Variants in TMEM132D observed in about 807,000 individuals in gnomAD.
TMEM132D encodes the protein mature OL transmembrane protein.
A neutral mutation model predicts 62.3 loss-of-function variants in TMEM132D; 21 were observed. That is an observed-to-expected ratio of 0.34 (90% CI 0.24 to 0.49). TMEM132D has a LOEUF of 0.49. TMEM132D is among the 20% of genes least tolerant of loss of function. The pLI, the probability that TMEM132D is intolerant of heterozygous loss-of-function variation, is 0.99. For synonymous variants in TMEM132D, 621 were observed against 575.6 expected (o/e 1.08, Z -1.13); for missense variants, 1,346 against 1,402.8 (o/e 0.96, Z 0.65).
At chr12:129,137,262 A>C (rs959024745) in intron 5 of TMEM132D, among the ~76,000 whole-genome samples, 1 of 150,960 alleles carries the variant, frequency 6.6e-6, no homozygotes, top group Non-Finnish European at 1.5e-5. Context: ...ACCACCATCA[A>C]CATCACTATC....
intron 3 of TMEM132D, among the ~76,000 whole-genome samples, chr12:129,390,514 C>T (rs1871262256): frequency 1.3e-5 from 2 of 152,148 alleles, no homozygotes; most frequent in Non-Finnish European, 2.9e-5. Context: ...GGATAAAAGG[C>T]CCATCAACTC....
intron 3 of TMEM132D, among the ~76,000 whole-genome samples, chr12:129,428,314 G>GA (rs1872555685): frequency 6.6e-6 from 1 of 152,146 alleles, no homozygotes; most frequent in South Asian, 2.1e-4. Flanking sequence ...TGAATATTCA[G>GA]AAAAATCTGT....
At chr12:129,208,547 T>A (rs1878923850) in intron 5 of TMEM132D, 1 of 152,242 alleles carries the variant, frequency 6.6e-6, no homozygotes, top group African/African-American at 2.4e-5. Context: ...GACTGCGTTT[T>A]AAGTGAGCAA....
chr12:129,254,851 C>A (rs1349215988), intron 4 of TMEM132D, among the ~76,000 whole-genome samples: 1 of 152,168 alleles, frequency 6.6e-6, no homozygotes, highest in Admixed American at 6.5e-5. Context: ...TTTCATCTCA[C>A]CCTAGGCTGT....
At position 129,464,830 on chromosome 12, in the gene TMEM132D, T is replaced by C. The variant is rs1223847255; in HGVS notation, c.1115+66229A>G. On this transcript the variant is annotated intron_variant, in intron 3 of 8. Coordinates refer to ENST00000422113, the MANE Select transcript of TMEM132D (RefSeq NM_133448.3). ...GGCTCTGTTCTGTTCCATTGATCTA[T>C]ATCTCTGTTTTGGTACCAGTACCAT... 5.9e-5 allele frequency among the ~76,000 whole-genome samples: 9 copies of C among 152,184 alleles called. No individual in the cohort carries two copies. The East Asian group carries it at 1.7e-3, about 29-fold the overall frequency.
At chr12:129,780,347 G>T (rs935663680) in intron 1 of TMEM132D, among the ~76,000 whole-genome samples, 5 of 150,006 alleles carry the variant, frequency 3.3e-5, no homozygotes, top group African/African-American at 9.7e-5. Context: ...GGAGGGGGGG[G>T]GCCGGGGGGG....
chr12:129,641,707 C>T (rs964750547), intron 2 of TMEM132D, among the ~76,000 whole-genome samples: 5 of 152,140 alleles, frequency 3.3e-5, no homozygotes, highest in Non-Finnish European at 7.4e-5. Context: ...AGCCCTGAGA[C>T]TCCCATTCCA....
rs1057089753 is a variant in TMEM132D at position 129,371,760 on chromosome 12, T to C, written c.1116-33943A>G. Reference sequence around the variant, plus strand: ...ACTGGAAAACATGGAAGTCTATACATAGCTTTACGTATCTGCTGAACCTAG... The same window carrying C: ...ACTGGAAAACATGGAAGTCTATACACAGCTTTACGTATCTGCTGAACCTAG... On this transcript the variant is annotated intron_variant, in intron 3 of 8. Transcript: ENST00000422113. This position sits in a 1 kb window ranked among gnomAD's most constrained non-coding sequence, Gnocchi z 4.3. 5.3e-5 allele frequency among the ~76,000 whole-genome samples: 8 copies of C among 152,168 alleles called. No homozygotes were observed. The highest frequency in any genetic ancestry group is 3.3e-4 in the Admixed American group (5 of 15,274).
chr12:129,546,021 C>T (rs1042741905), intron 2 of TMEM132D, among the ~76,000 whole-genome samples: 8 of 152,100 alleles, frequency 5.3e-5, no homozygotes, highest in African/African-American at 1.9e-4. Flanking sequence ...TCTGAGCTAG[C>T]GTGGGGTTCG....
chr12:129,127,258 T>C (rs1876241958), intron 5 of TMEM132D, among the ~76,000 whole-genome samples: 1 of 152,216 alleles, frequency 6.6e-6, no homozygotes, highest in Non-Finnish European at 1.5e-5. Context: ...TGTGATCTTT[T>C]AGAGAAAGAC....
intron 3 of TMEM132D, among the ~76,000 whole-genome samples, chr12:129,523,348 G>A (rs1398356432): frequency 1.3e-5 from 2 of 152,162 alleles, no homozygotes; most frequent in African/African-American, 2.4e-5. Context: ...AACCAAACAT[G>A]AGCCATGATC....
At chr12:129,077,840 AAC>A (rs772542820) in intron 8 of TMEM132D, among the ~76,000 whole-genome samples, 2 of 151,760 alleles carry the variant, frequency 1.3e-5, no homozygotes, top group African/African-American at 4.8e-5. Flanking sequence ...CAAAACAAGC[AAC>A]ACAAAATACT....
chr12:129,816,196 C>A (rs894075469), intron 1 of TMEM132D, among the ~76,000 whole-genome samples: 4 of 152,118 alleles, frequency 2.6e-5, no homozygotes, highest in African/African-American at 9.7e-5. Flanking sequence ...TGCTAGGGGC[C>A]GTGTTCATCT....
At chr12:129,225,612 C>T (rs180875123) in intron 4 of TMEM132D, among the ~76,000 whole-genome samples, 3 of 152,248 alleles carry the variant, frequency 2.0e-5, no homozygotes, top group East Asian at 3.9e-4. Context: ...AGTTCTTATG[C>T]GGATCCAATG....
intron 3 of TMEM132D, among the ~76,000 whole-genome samples, chr12:129,516,574 A>AC (rs1308540233): frequency 3.9e-5 from 6 of 152,176 alleles, no homozygotes; most frequent in Non-Finnish European, 1.5e-5. Context: ...TACCATGAGA[A>AC]CAGTATGGAG....
intron 1 of TMEM132D, among the ~76,000 whole-genome samples, chr12:129,785,237 C>G (rs751908455): frequency 6.6e-6 from 1 of 152,114 alleles, no homozygotes; most frequent in African/African-American, 2.4e-5. Context: ...GAGCTCCCAG[C>G]CAGGTTGGTC....
intron 3 of TMEM132D, among the ~76,000 whole-genome samples, chr12:129,456,984 T>A (rs1426575638): frequency 6.6e-6 from 1 of 152,138 alleles, no homozygotes; most frequent in East Asian, 1.9e-4. Context: ...ACTTTTACAC[T>A]GTTGGTGGGA....
chr12:129,386,777 A>T (rs1431328077), intron 3 of TMEM132D, among the ~76,000 whole-genome samples: 4 of 151,674 alleles, frequency 2.6e-5, no homozygotes, highest in Non-Finnish European at 4.4e-5. Flanking sequence ...AAACACAAAT[A>T]CTATATGCCA....
At chr12:129,297,511 G>C (rs1437678905) in intron 4 of TMEM132D, among the ~76,000 whole-genome samples, 1 of 152,226 alleles carries the variant, frequency 6.6e-6, no homozygotes, top group Non-Finnish European at 1.5e-5. Flanking sequence ...AGGGATTCCA[G>C]CAGCAGGTCA....
Sources: gnomAD v4.1 joint callset for allele counts (sites outside exome capture counted in the v4.1 genomes callset) on GRCh38, gnomAD v4.1.1 for gene constraint, Gnocchi (gnomAD v3.1) non-coding constraint, MANE v1.5 for transcripts, NCBI Gene and HGNC (gene_info 2026-07-23, HGNC 2026-07-21) for gene names.